Variants in MBD3L1 observed in about 807,000 individuals in gnomAD.
MBD3L1 encodes methyl-CpG binding domain protein 3 like 1, also known as methyl-CpG-binding domain protein 3-like 1.
For missense variants in MBD3L1, 203 were observed against 230.1 expected (o/e 0.88, Z 0.76); for synonymous variants, 84 against 85.1 (o/e 0.99, Z 0.07).
intron 1 of MBD3L1, among the ~76,000 whole-genome samples, chr19:8,835,888 G>A (rs540392955): frequency 1.1e-4 from 17 of 152,032 alleles, no homozygotes; most frequent in East Asian, 5.8e-4. Context: ...AAAACATTAC[G>A]GTAAGTAAAA....
intron 1 of MBD3L1, among the ~76,000 whole-genome samples, chr19:8,832,751 A>T (rs1413867486): frequency 6.7e-6 from 1 of 148,872 alleles, no homozygotes; most frequent in African/African-American, 2.5e-5. Flanking sequence ...TAGAGCGGGG[A>T]TGACTGAGCA....
At position 8,843,213 on chromosome 19, in the gene MBD3L1, A is replaced by C; in HGVS notation, c.535A>C (p.Asn179His). Reference protein sequence around the residue: ...AIALIADGLANEAEKVRDQEG... With the variant: ...AIALIADGLAHEAEKVRDQEG... The stretch of plus-strand genomic sequence containing the variant: ...AGCACTGATTGCGGATGGACTCGCT[A>C]ATGAGGCAGAGAAAGTGAGAGACCA... Residue 179 changes from asparagine to histidine, a missense_variant, in exon 3 of 3, where the codon AAT becomes CAT. Asn to His is a moderately conservative substitution (Grantham distance 68). Coordinates refer to ENST00000595891, the MANE Select transcript of MBD3L1 (RefSeq NM_001393532.1). The C allele has an allele frequency of 1.9e-6, 3 of 1,610,614 alleles. No homozygotes were observed. Among genetic ancestry groups the C allele is most frequent in the Non-Finnish European group, 2.5e-6 (3 of 1,178,458 alleles).
intron 1 of MBD3L1, among the ~76,000 whole-genome samples, chr19:8,839,447 G>T (rs769657675): frequency 3.3e-5 from 5 of 151,938 alleles, no homozygotes; most frequent in Non-Finnish European, 7.4e-5. Context: ...TGATCTGCCC[G>T]CCTCGGCCTC....
chr19:8,833,253 G>A (rs1248248332), intron 1 of MBD3L1: 1 of 152,190 alleles, frequency 6.6e-6, no homozygotes, highest in Non-Finnish European at 1.5e-5. Flanking sequence ...ATCAGATTAT[G>A]TATGCACATT....
chr19:8,833,940 A>C (rs558232315), intron 1 of MBD3L1, among the ~76,000 whole-genome samples: 1 of 152,096 alleles, frequency 6.6e-6, no homozygotes, highest in East Asian at 1.9e-4. Context: ...GTGAGCCGAG[A>C]TTGCAGCCGG....
intron 2 of MBD3L1, 194 bp from the exon 3 acceptor site, chr19:8,842,464 G>A: frequency 1.9e-6 from 1 of 536,774 alleles, no homozygotes; most frequent in Non-Finnish European, 3.3e-6. Context: ...GGGTTTGCAG[G>A]ATGATGAAGG....
chr19:8,839,185 CTTTT>C (rs57499698), intron 1 of MBD3L1, among the ~76,000 whole-genome samples: 13 of 122,126 alleles, frequency 1.1e-4, no homozygotes, highest in African/African-American at 2.9e-4. Flanking sequence ...CTTTTCTTTT[CTTTT>C]TTTTTTTTTT....
At chr19:8,841,820 G>T (rs1450240935) in intron 2 of MBD3L1, among the ~76,000 whole-genome samples, 1 of 152,094 alleles carries the variant, frequency 6.6e-6, no homozygotes, top group African/African-American at 2.4e-5. Flanking sequence ...GCCTCCCAAA[G>T]TGCTGGGATT....
chr19:8,842,660 T>A lies in MBD3L1; in HGVS notation c.-19T>A. The A allele has an allele frequency of 6.2e-7, 1 of 1,602,294 alleles. No individual in the cohort carries two copies. The highest frequency in any genetic ancestry group is 8.5e-7 in the Non-Finnish European group (1 of 1,171,420). ...CATTTCATGATTTATTTTAATAGTGTAAGAGGAAAAGAAGTGTGATGGCCA... is the reference window on the plus strand; with the variant it reads ...CATTTCATGATTTATTTTAATAGTGAAAGAGGAAAAGAAGTGTGATGGCCA... On this transcript the variant is annotated splice_region_variant and 5_prime_UTR_variant, in exon 3 of 3. Transcript: ENST00000595891.
intron 1 of MBD3L1, among the ~76,000 whole-genome samples, chr19:8,835,466 A>G (rs1279317961): frequency 6.6e-6 from 1 of 152,224 alleles, no homozygotes; most frequent in Admixed American, 6.5e-5. Flanking sequence ...TTAATATCAA[A>G]ACTTCAATAA....
intron 1 of MBD3L1, among the ~76,000 whole-genome samples, chr19:8,838,252 C>CAAAAAAAAA (rs542318207): frequency 0.13 from 1,576 of 11,830 alleles, 618 homozygotes; most frequent in Middle Eastern, 0.25. Context: ...GACTCCATCT[C>CAAAAAAAAA]AAAAAAAAAA....
intron 2 of MBD3L1, 194 bp from the exon 3 acceptor site, chr19:8,842,464 G>T (rs1156674076): frequency 1.9e-6 from 1 of 536,656 alleles, no homozygotes; most frequent in African/African-American, 1.9e-5. Context: ...GGGTTTGCAG[G>T]ATGATGAAGG....
chr19:8,836,078 T>C (rs1307401913), intron 1 of MBD3L1, among the ~76,000 whole-genome samples: 1 of 152,184 alleles, frequency 6.6e-6, no homozygotes, highest in Admixed American at 6.5e-5. Context: ...GTGGTGACGA[T>C]TGCGCAACTG....
At chr19:8,838,300 A>G (rs1010276125) in intron 1 of MBD3L1, among the ~76,000 whole-genome samples, 2 of 147,014 alleles carry the variant, frequency 1.4e-5, no homozygotes, top group South Asian at 2.2e-4. Flanking sequence ...CAGCCCCACT[A>G]TCACCTTCCT....
At chr19:8,840,126 G>A (rs2044496967) in intron 1 of MBD3L1, among the ~76,000 whole-genome samples, 1 of 151,030 alleles carries the variant, frequency 6.6e-6, no homozygotes, top group African/African-American at 2.4e-5. Flanking sequence ...GGAGGTTGCA[G>A]TGAGCCCAGA....
At chr19:8,840,776 A>G (rs1229596086) in intron 1 of MBD3L1, 139 bp from the exon 2 acceptor site, 2 of 152,216 alleles carry the variant, frequency 1.3e-5, no homozygotes, top group Non-Finnish European at 2.9e-5. Flanking sequence ...GGTTTTGGGG[A>G]AAATCAAGGA....
chr19:8,836,167 A>G (rs568211572), intron 1 of MBD3L1, among the ~76,000 whole-genome samples: 1 of 152,354 alleles, frequency 6.6e-6, no homozygotes, highest in South Asian at 2.1e-4. Context: ...TGGTAGCTCA[A>G]TAAAGTTTTT....
chr19:8,839,016 T>C (rs2044483293), intron 1 of MBD3L1, among the ~76,000 whole-genome samples: 1 of 152,208 alleles, frequency 6.6e-6, no homozygotes, highest in Admixed American at 6.5e-5. Flanking sequence ...TGTTGGTTAC[T>C]TATCTTATTA....
intron 2 of MBD3L1, chr19:8,842,450 G>A (rs564088860): frequency 1.4e-5 from 7 of 512,116 alleles, no homozygotes; most frequent in African/African-American, 9.5e-5. Context: ...CTCAAACAAG[G>A]AGGGGGTTTG....
Sources: gnomAD v4.1 joint callset for allele counts (sites outside exome capture counted in the v4.1 genomes callset) on GRCh38, gnomAD v4.1.1 for gene constraint, MANE v1.5 for transcripts, NCBI Gene and HGNC (gene_info 2026-07-23, HGNC 2026-07-21) for gene names.